ACSM5: variants seen among roughly 807,000 people sequenced by gnomAD.
The protein encoded by ACSM5 is acyl-coenzyme A synthetase ACSM5, mitochondrial.
Under a neutral mutation model 71.6 loss-of-function variants are expected in ACSM5, and 56 were observed. That is an observed-to-expected ratio of 0.78 (90% CI 0.63 to 0.98). ACSM5 has a LOEUF of 0.98. Ranked by LOEUF, ACSM5 falls within the 50% of genes least tolerant of loss-of-function variation. ACSM5 has a pLI of 0.00. For synonymous variants in ACSM5, 285 were observed against 281.5 expected (o/e 1.01, Z -0.12); for missense variants, 723 against 726.0 (o/e 1.00, Z 0.05).
At chr16:20,410,132 T>C (rs1301091155) in intron 1 of ACSM5, among the ~76,000 whole-genome samples, 1 of 152,202 alleles carries the variant, frequency 6.6e-6, no homozygotes, top group Non-Finnish European at 1.5e-5. Flanking sequence ...ATAATGCCTC[T>C]AAGCACTCTT....
Position 20,437,255 on chromosome 16 carries a change from T to C in ACSM5, c.1437-13T>C, listed in dbSNP as rs370303886. 2.2e-5 allele frequency: 36 copies of C among 1,614,052 alleles called. No homozygotes were observed. In the African/African-American group the frequency reaches 4.7e-4, roughly 21 times the overall value. On this transcript the variant is annotated splice_polypyrimidine_tract_variant and intron_variant, in intron 11 of 13. Transcript: ENST00000331849. ...GGGAAGCCCACTTGGAAGAGTTTGTTTTTCCCTTCCAGCTACCGGATCGGG... is the reference window on the plus strand; with the variant it reads ...GGGAAGCCCACTTGGAAGAGTTTGTCTTTCCCTTCCAGCTACCGGATCGGG...
intron 8 of ACSM5, 49 bp downstream of exon 8, chr16:20,429,850 C>T (rs1457947437): frequency 6.3e-7 from 1 of 1,594,376 alleles, no homozygotes; most frequent in African/African-American, 1.3e-5. Context: ...CCCTCGAGAG[C>T]TTCCTGCCTC....
chr16:20,436,932 T>C lies in ACSM5; in HGVS notation c.1309-120T>C, dbSNP rs539853865. The C allele has an allele frequency of 2.0e-4, 230 of 1,159,948 alleles. No individual in the cohort carries two copies. In the African/African-American group the frequency reaches 3.0e-3, roughly 15 times the overall value. 71.9% of individuals were successfully genotyped at this position (1,159,948 alleles called of 1,614,324 possible). A position where few individuals can be genotyped will look rare whatever the true frequency, so the allele number is the denominator to read the frequency against. ...GGGGAACTCTGGGCAGCCGGGACTT[T>C]AGGAACTGCTGAACTTTCTGTTGAG... On this transcript the variant is annotated intron_variant, in intron 10 of 13. Transcript: ENST00000331849.
At chr16:20,422,084 A>G (rs1041448299) in intron 5 of ACSM5, among the ~76,000 whole-genome samples, 3 of 151,892 alleles carry the variant, frequency 2.0e-5, no homozygotes, top group African/African-American at 7.3e-5. Flanking sequence ...GTATGGATAG[A>G]CCACATTTTA....
In ACSM5 at chr16:20,436,262, C is replaced by A. The variant is rs376963302; in HGVS notation, c.1309-790C>A. On this transcript the variant is annotated intron_variant, in intron 10 of 13. Coordinates refer to ENST00000331849, the MANE Select transcript of ACSM5 (RefSeq NM_017888.3). The stretch of plus-strand genomic sequence containing the variant: ...CCCACTCTCCTCTCCCCTCCCCTCC[C>A]GTCCCCTCCCCTCCCCTTCCTTTCC... Among the ~76,000 whole-genome samples, 192 of 145,604 alleles carry A rather than the reference C, an allele frequency of 1.3e-3. 2 individuals are homozygous for A. Among genetic ancestry groups the A allele is most frequent in the Middle Eastern group, 7.1e-3 (2 of 282 alleles).
In ACSM5 at chr16:20,441,319, G is replaced by C. The variant is rs907998855; in HGVS notation, c.*892G>C. The C allele has an allele frequency of 3.3e-5, 5 of 152,160 alleles. No homozygotes were observed. The highest frequency in any genetic ancestry group is 7.3e-5 in the Non-Finnish European group (5 of 68,050). The allele number at this position is 152,160 out of a possible 1,614,324, so 9.4% of individuals were successfully genotyped here. On this transcript the variant is annotated 3_prime_UTR_variant, in exon 14 of 14. Transcript: ENST00000331849. The stretch of plus-strand genomic sequence containing the variant: ...CACATACAACTATTTTAATGAAAAA[G>C]TTATGTTAAAGAAAGCACACTCTGC...
At chr16:20,420,385 G>C (rs773945508) in intron 4 of ACSM5, among the ~76,000 whole-genome samples, 3 of 152,206 alleles carry the variant, frequency 2.0e-5, no homozygotes, top group African/African-American at 7.2e-5. Flanking sequence ...CAGATCACCC[G>C]AGGTCGGGAG....
In ACSM5 at chr16:20,423,886, AGGTTACTGAC is replaced by A. The variant is rs1966924986; in HGVS notation, c.768-28_768-19del. On this transcript the variant is annotated intron_variant, in intron 5 of 13. Coordinates refer to ENST00000331849, the MANE Select transcript of ACSM5 (RefSeq NM_017888.3). ...CTTTTTAAAGGTAGAGTCATTGCCAAGGTTACTGACGTTCTCTAATTTTTGGCAGACGGTG... is the reference window on the plus strand; with the variant it reads ...CTTTTTAAAGGTAGAGTCATTGCCAAGTTCTCTAATTTTTGGCAGACGGTG... The A allele has an allele frequency of 6.2e-7, 1 of 1,612,778 alleles. No individual in the cohort carries two copies. The highest frequency in any genetic ancestry group is 2.2e-5 in the East Asian group (1 of 44,878).
chr16:20,411,183 TGAGG>T (rs368771032), intron 1 of ACSM5, among the ~76,000 whole-genome samples: 37 of 152,252 alleles, frequency 2.4e-4, no homozygotes, highest in African/African-American at 8.4e-4. Context: ...AAAGCCTTTT[TGAGG>T]GATTCCTTTT....
chr16:20,423,151 G>C (rs1268670551), intron 5 of ACSM5, among the ~76,000 whole-genome samples: 3 of 152,188 alleles, frequency 2.0e-5, no homozygotes, highest in Non-Finnish European at 4.4e-5. Flanking sequence ...AAACTGAAAA[G>C]AGAATGGGTC....
At position 20,441,303 on chromosome 16, in the gene ACSM5, C is replaced by T. The variant is rs930688790; in HGVS notation, c.*876C>T. 4 of 152,152 alleles carry T rather than the reference C, an allele frequency of 2.6e-5. No individual in the cohort carries two copies. Among genetic ancestry groups the T allele is most frequent in the Non-Finnish European group, 5.9e-5 (4 of 68,042 alleles). 9.4% of individuals were successfully genotyped at this position (152,152 alleles called of 1,614,324 possible). ...AAGTTTTTGTACGAAGCACATACAACTATTTTAATGAAAAAGTTATGTTAA... is the reference window on the plus strand; with the variant it reads ...AAGTTTTTGTACGAAGCACATACAATTATTTTAATGAAAAAGTTATGTTAA... On this transcript the variant is annotated 3_prime_UTR_variant, in exon 14 of 14. Coordinates refer to ENST00000331849, the MANE Select transcript of ACSM5 (RefSeq NM_017888.3).
chr16:20,427,394 C>G (rs1048552506), intron 6 of ACSM5, among the ~76,000 whole-genome samples: 16 of 152,224 alleles, frequency 1.1e-4, no homozygotes, highest in Non-Finnish European at 1.3e-4. Context: ...CAGTTTCTCA[C>G]TGTGTGCACC....
chr16:20,425,357 T>C (rs1205064108), intron 6 of ACSM5, among the ~76,000 whole-genome samples: 1 of 152,220 alleles, frequency 6.6e-6, no homozygotes, highest in Admixed American at 6.5e-5. Flanking sequence ...ATTGTGTATA[T>C]GTACATCTTC....
chr16:20,432,844 A>ACTTTTT (rs1567346830), intron 10 of ACSM5, among the ~76,000 whole-genome samples: 1 of 60,218 alleles, frequency 1.7e-5, no homozygotes, highest in East Asian at 7.2e-4. Context: ...TTTCCAGATC[A>ACTTTTT]TTCTTTTTTT....
At chr16:20,438,123 C>T (rs998364456) in intron 12 of ACSM5, among the ~76,000 whole-genome samples, 1 of 151,890 alleles carries the variant, frequency 6.6e-6, no homozygotes, top group Non-Finnish European at 1.5e-5. Context: ...TCACCGTGCC[C>T]GGCTAGGAGA....
intron 2 of ACSM5, among the ~76,000 whole-genome samples, chr16:20,412,739 C>T (rs1966850086): frequency 6.6e-6 from 1 of 151,644 alleles, no homozygotes; most frequent in Non-Finnish European, 1.5e-5. Flanking sequence ...ACAGTAGGCA[C>T]AAACAATAGA....
At chr16:20,423,188 T>C (rs1966911881) in intron 5 of ACSM5, among the ~76,000 whole-genome samples, 1 of 152,184 alleles carries the variant, frequency 6.6e-6, no homozygotes, top group East Asian at 1.9e-4. Flanking sequence ...GAGGCATTTC[T>C]GCACTGAAGG....
chr16:20,420,655 C>T (rs900439685), intron 4 of ACSM5, among the ~76,000 whole-genome samples: 1 of 152,068 alleles, frequency 6.6e-6, no homozygotes, highest in African/African-American at 2.4e-5. Context: ...GTCAGGTGGG[C>T]CTAGATCAGT....
intron 2 of ACSM5, chr16:20,411,999 C>T: frequency 2.7e-6 from 1 of 366,538 alleles, no homozygotes; most frequent in Non-Finnish European, 5.2e-6. Flanking sequence ...TTTTGTTTTG[C>T]TGCTACTCTG....
Sources: gnomAD v4.1 joint callset for allele counts (sites outside exome capture counted in the v4.1 genomes callset) on GRCh38, gnomAD v4.1.1 for gene constraint, MANE v1.5 for transcripts, NCBI Gene and HGNC (gene_info 2026-07-23, HGNC 2026-07-21) for gene names.